The following RNF144A variants were observed in gnomAD, a reference collection of about 807,000 sequenced individuals.
RNF144A encodes ring finger protein 144A.
A neutral mutation model predicts 38.7 loss-of-function variants in RNF144A; 11 were observed. The observed-to-expected ratio is 0.28, with a 90% CI of 0.18 to 0.47. The LOEUF is 0.47. Among genes scored for constraint, RNF144A ranks in the 20% least tolerant of loss-of-function variants. The pLI, the probability that RNF144A is intolerant of heterozygous loss-of-function variation, is 0.99. For synonymous variants in RNF144A, 149 were observed against 143.9 expected (o/e 1.04, Z -0.25); for missense variants, 316 against 377.2 (o/e 0.84, Z 1.34).
Position 7,040,953 on chromosome 2 carries a change from A to T in RNF144A, c.*1193A>T, listed in dbSNP as rs1015494138. 3 of 985,354 alleles carry T rather than the reference A, an allele frequency of 3.0e-6. No homozygotes were observed. The African/African-American group carries it at 5.2e-5, about 17-fold the overall frequency. 61.0% of individuals were successfully genotyped at this position (985,354 alleles called of 1,614,324 possible). ...TTGATCTTTTACAGGGCTGTCTGTG[A>T]CCATTTCCATGGCAGCAGGATGCAG... is the stretch of plus-strand genomic sequence containing the variant. On this transcript the variant is annotated 3_prime_UTR_variant, in exon 9 of 9. Transcript: ENST00000320892.
At chr2:6,921,474 G>A (rs186554976) in intron 1 of RNF144A, among the ~76,000 whole-genome samples, 13 of 152,354 alleles carry the variant, frequency 8.5e-5, no homozygotes, top group African/African-American at 3.1e-4. Context: ...ACACAGCCCT[G>A]CAGCACAGGC....
intron 8 of RNF144A, among the ~76,000 whole-genome samples, chr2:7,034,528 T>G (rs988513439): frequency 1.3e-5 from 2 of 152,202 alleles, no homozygotes; most frequent in African/African-American, 4.8e-5. Context: ...TGCCCTGTCC[T>G]TCCTCCGGGC....
At chr2:6,989,663 G>A (rs1464335763) in intron 2 of RNF144A, among the ~76,000 whole-genome samples, 5 of 151,796 alleles carry the variant, frequency 3.3e-5, no homozygotes, top group African/African-American at 4.8e-5. Flanking sequence ...GTTTTGATAC[G>A]TGCAGAATGT....
At chr2:7,009,430 G>A (rs1369976292) in intron 3 of RNF144A, among the ~76,000 whole-genome samples, 1 of 152,146 alleles carries the variant, frequency 6.6e-6, no homozygotes, top group East Asian at 1.9e-4. Context: ...CACCACCCAA[G>A]GCTGTGGTGA....
At chr2:7,001,379 A>G (rs1259691344) in intron 3 of RNF144A, among the ~76,000 whole-genome samples, 2 of 150,814 alleles carry the variant, frequency 1.3e-5, no homozygotes, top group African/African-American at 2.4e-5. Context: ...ATAAAAAAAT[A>G]AAAGTGTAAC....
chr2:7,069,727 C>G (rs1260047042), downstream of RNF144A, among the ~76,000 whole-genome samples: 1 of 152,168 alleles, frequency 6.6e-6, no homozygotes. Flanking sequence ...AATTTGAGTT[C>G]AGGGAGATGA....
intron 2 of RNF144A, among the ~76,000 whole-genome samples, chr2:6,980,111 C>G (rs1352834664): frequency 6.6e-6 from 1 of 152,224 alleles, no homozygotes; most frequent in Non-Finnish European, 1.5e-5. Context: ...TCACCTCCTA[C>G]TGGGTCTGTT....
intron 1 of RNF144A, among the ~76,000 whole-genome samples, chr2:6,938,812 G>A (rs962074510): frequency 6.6e-6 from 1 of 152,148 alleles, no homozygotes; most frequent in African/African-American, 2.4e-5. Context: ...GACCTTGCAT[G>A]TGAGTGGTTT....
chr2:6,930,066 A>G lies in RNF144A; in HGVS notation c.-211-10882A>G, dbSNP rs114982422. Among the ~76,000 whole-genome samples the G allele has an allele frequency of 1.3e-3, 202 of 152,394 alleles. 1 individual carries two copies. The highest frequency in any genetic ancestry group is 4.7e-3 in the African/African-American group (197 of 41,604). On this transcript the variant is annotated intron_variant, in intron 1 of 8. Transcript: ENST00000320892. ...ATTACTTTGCACAGTTGCGCTTTGG[A>G]GAATCCAGCTCCAAGAGATGATACT...
chr2:7,057,444 G>A (rs571524616), intron 6 of RNF144A, among the ~76,000 whole-genome samples: 9 of 152,326 alleles, frequency 5.9e-5, no homozygotes, highest in African/African-American at 2.2e-4. Context: ...AGCAGAGGCA[G>A]TAAGATGTTA....
At position 7,041,467 on chromosome 2, in the gene RNF144A, T is replaced by G. The variant is rs1235843601; in HGVS notation, c.*1707T>G. The G allele has an allele frequency of 1.0e-6, 1 of 985,956 alleles. No individual in the cohort carries two copies. Among genetic ancestry groups the G allele is most frequent in the East Asian group, 1.1e-4 (1 of 8,820 alleles). 61.1% of individuals were successfully genotyped at this position (985,956 alleles called of 1,614,324 possible). ...ACATTCAAAAAGCTCTCCTTGTAAT[T>G]GCAAGTTTAGTAACTCAGTAAGAAC... On this transcript the variant is annotated 3_prime_UTR_variant, in exon 9 of 9. Transcript: ENST00000320892.
At chr2:6,984,239 A>C (rs1297150920) in intron 2 of RNF144A, among the ~76,000 whole-genome samples, 1 of 151,630 alleles carries the variant, frequency 6.6e-6, no homozygotes, top group Non-Finnish European at 1.5e-5. Context: ...ATATCTGCCT[A>C]TTCTGTTCAC....
intron 1 of RNF144A, among the ~76,000 whole-genome samples, chr2:6,927,266 A>G (rs922700709): frequency 6.6e-6 from 1 of 152,236 alleles, no homozygotes; most frequent in Non-Finnish European, 1.5e-5. Flanking sequence ...CCTGAAAGGA[A>G]TGCACAATTT....
intron 2 of RNF144A, among the ~76,000 whole-genome samples, chr2:6,955,909 C>T (rs1666970073): frequency 6.6e-6 from 1 of 152,176 alleles, no homozygotes; most frequent in Non-Finnish European, 1.5e-5. Context: ...TCCAAAGCTT[C>T]TTCCCTGTCC....
intron 2 of RNF144A, among the ~76,000 whole-genome samples, chr2:6,957,977 C>T (rs959643440): frequency 2.6e-5 from 4 of 152,176 alleles, no homozygotes; most frequent in Non-Finnish European, 5.9e-5. Flanking sequence ...CTGAGACTGC[C>T]TAATCTTGGA....
chr2:6,932,733 CG>C (rs1665280671), intron 1 of RNF144A, among the ~76,000 whole-genome samples: 1 of 152,180 alleles, frequency 6.6e-6, no homozygotes, highest in Admixed American at 6.5e-5. Context: ...TCAGGAATGA[CG>C]GCAGAATTAG....
chr2:7,056,858 A>T (rs937670137), intron 6 of RNF144A, among the ~76,000 whole-genome samples: 1 of 152,176 alleles, frequency 6.6e-6, no homozygotes, highest in African/African-American at 2.4e-5. Flanking sequence ...CTTCCATTGC[A>T]GTGAGGACAA....
In RNF144A at chr2:7,061,549, C is replaced by T. The variant is rs117472288; in HGVS notation, c.735-6667C>T. Among the ~76,000 whole-genome samples, 131 of 152,166 alleles carry T rather than the reference C, an allele frequency of 8.6e-4. 1 individual carries two copies. In the East Asian group the frequency reaches 0.01, roughly 12 times the overall value. ...CTTTCTCAAAGATTTGCTTATTTCC[C>T]GTGTCTATCTGCACACATTTCTACG... On this transcript the variant is annotated intron_variant, in intron 6 of 6. Coordinates refer to the RNF144A transcript ENST00000432850.
chr2:6,968,020 A>G (rs930167783), intron 2 of RNF144A, among the ~76,000 whole-genome samples: 3 of 152,102 alleles, frequency 2.0e-5, no homozygotes, highest in African/African-American at 4.8e-5. Flanking sequence ...GTTGATATCT[A>G]TGGAGTAGGG....
Sources: gnomAD v4.1 joint callset for allele counts (sites outside exome capture counted in the v4.1 genomes callset) on GRCh38, gnomAD v4.1.1 for gene constraint, MANE v1.5 for transcripts, NCBI Gene and HGNC (gene_info 2026-07-23, HGNC 2026-07-21) for gene names.